The following SMIM14 variants were observed in gnomAD, a reference collection of about 807,000 sequenced individuals.
SMIM14 encodes the protein chromosome 4 open reading frame 34.
In SMIM14, 5 loss-of-function variants were observed where a neutral mutation model predicts 12.6. That is an observed-to-expected ratio of 0.40 (90% CI 0.21 to 0.83). The LOEUF (loss-of-function observed/expected upper bound fraction) is 0.83, where lower values mean the gene tolerates loss of function less well. SMIM14 is among the 40% of genes least tolerant of loss of function. The pLI, the probability that SMIM14 is intolerant of heterozygous loss-of-function variation, is 0.37. For missense variants in SMIM14, 86 were observed against 119.1 expected (o/e 0.72, Z 1.29); for synonymous variants, 30 against 40.1 (o/e 0.75, Z 0.95).
At chr4:39,574,522 C>A (rs934125575) in intron 2 of SMIM14, among the ~76,000 whole-genome samples, 1 of 152,132 alleles carries the variant, frequency 6.6e-6, no homozygotes, top group African/African-American at 2.4e-5. Flanking sequence ...GGATTACAGG[C>A]GTGAGCCACA....
intron 3 of SMIM14, among the ~76,000 whole-genome samples, chr4:39,567,479 C>T (rs984760479): frequency 7.9e-5 from 12 of 152,142 alleles, no homozygotes; most frequent in Non-Finnish European, 1.3e-4. Flanking sequence ...TGGCTCACAC[C>T]TGTAATCCCA....
At chr4:39,597,084 CCTTT>C (rs1714399344) in intron 2 of SMIM14, among the ~76,000 whole-genome samples, 1 of 133,256 alleles carries the variant, frequency 7.5e-6, no homozygotes. Flanking sequence ...CCCAGGTTTC[CCTTT>C]TTTTTTTTTT....
intron 1 of SMIM14, among the ~76,000 whole-genome samples, chr4:39,635,298 G>C (rs1716049121): frequency 6.6e-6 from 1 of 152,212 alleles, no homozygotes; most frequent in African/African-American, 2.4e-5. Context: ...AAGGATACAA[G>C]GTAAGATAAG....
chr4:39,591,274 C>T (rs1313103739), intron 2 of SMIM14, among the ~76,000 whole-genome samples: 2 of 151,626 alleles, frequency 1.3e-5, no homozygotes, highest in African/African-American at 4.8e-5. Context: ...TATGAAGGGC[C>T]AACTGTATTA....
chr4:39,553,766 G>A (rs939518703), intron 4 of SMIM14, among the ~76,000 whole-genome samples: 9 of 151,638 alleles, frequency 5.9e-5, no homozygotes, highest in Non-Finnish European at 1.3e-4. Context: ...GCTAATTTTT[G>A]TACTTTTAAT....
intron 1 of SMIM14, among the ~76,000 whole-genome samples, chr4:39,619,182 A>C (rs1166301943): frequency 6.8e-6 from 1 of 147,494 alleles, no homozygotes; most frequent in East Asian, 2.0e-4. Flanking sequence ...TATACCAATA[A>C]ATATAATTTA....
chr4:39,554,414 C>G (rs1034945729), intron 4 of SMIM14, among the ~76,000 whole-genome samples: 1 of 152,164 alleles, frequency 6.6e-6, no homozygotes, highest in South Asian at 2.1e-4. Context: ...TTGAGACCAG[C>G]CTGGCCAACA....
intron 1 of SMIM14, among the ~76,000 whole-genome samples, chr4:39,630,491 G>C (rs1263800743): frequency 6.6e-6 from 1 of 152,146 alleles, no homozygotes; most frequent in Non-Finnish European, 1.5e-5. Context: ...TCATAGCTGA[G>C]ATGACATGTG....
chr4:39,560,216 C>G (rs370821969), intron 3 of SMIM14, among the ~76,000 whole-genome samples: 3 of 151,644 alleles, frequency 2.0e-5, no homozygotes, highest in East Asian at 1.9e-4. Context: ...ATCAATAATT[C>G]TCTTTTTCTT....
intron 2 of SMIM14, among the ~76,000 whole-genome samples, chr4:39,587,391 G>A (rs967889080): frequency 2.0e-5 from 3 of 150,788 alleles, no homozygotes; most frequent in Admixed American, 1.3e-4. Context: ...CAGCTACTCG[G>A]GAGGCTGAGG....
At chr4:39,591,272 G>A (rs1212643585) in intron 2 of SMIM14, among the ~76,000 whole-genome samples, 1 of 151,926 alleles carries the variant, frequency 6.6e-6, no homozygotes, top group African/African-American at 2.4e-5. Context: ...GGTATGAAGG[G>A]CCAACTGTAT....
intron 2 of SMIM14, among the ~76,000 whole-genome samples, chr4:39,582,489 A>G (rs1327287216): frequency 1.3e-5 from 2 of 151,674 alleles, no homozygotes; most frequent in African/African-American, 4.9e-5. Context: ...ACATGGTGAA[A>G]CCCTGTCTCT....
chr4:39,557,721 A>T (rs1712090310), intron 3 of SMIM14, among the ~76,000 whole-genome samples: 1 of 152,140 alleles, frequency 6.6e-6, no homozygotes, highest in South Asian at 2.1e-4. Context: ...AGGTTTAAGA[A>T]CCCACAAAGC....
intron 1 of SMIM14, among the ~76,000 whole-genome samples, chr4:39,606,805 G>A (rs1021838093): frequency 2.0e-5 from 3 of 152,100 alleles, no homozygotes; most frequent in Admixed American, 6.6e-5. Context: ...GAGCCCAGTG[G>A]TATCCCTAAG....
intron 1 of SMIM14, 103 bp from the exon 2 acceptor site, chr4:39,605,283 A>G (rs1392479351): frequency 1.7e-6 from 1 of 588,436 alleles, no homozygotes; most frequent in Non-Finnish European, 2.9e-6. Context: ...ATAGTATTAA[A>G]CTATGTATAG....
intron 3 of SMIM14, among the ~76,000 whole-genome samples, chr4:39,562,803 G>A (rs1033536453): frequency 2.4e-5 from 3 of 126,146 alleles, no homozygotes; most frequent in African/African-American, 4.5e-5. Context: ...GACCCCACCT[G>A]ACCCTAATTT....
At chr4:39,608,099 A>G (rs758045768) in intron 1 of SMIM14, among the ~76,000 whole-genome samples, 28 of 152,330 alleles carry the variant, frequency 1.8e-4, no homozygotes, top group South Asian at 4.2e-4. Context: ...AAATAGTTTG[A>G]AAGTTCCTCA....
At position 39,547,718 on chromosome 4, in the gene SMIM14, G is replaced by C. The variant is rs1747394989; in HGVS notation, c.*4408C>G. 6.6e-6 allele frequency: 1 copy of C among 151,956 alleles called. No individual in the cohort carries two copies. The highest frequency in any genetic ancestry group is 2.1e-4 in the South Asian group (1 of 4,814). 9.4% of individuals were successfully genotyped at this position (151,956 alleles called of 1,614,324 possible). A position where few individuals can be genotyped will look rare whatever the true frequency, so the allele number is the denominator to read the frequency against. On this transcript the variant is annotated 3_prime_UTR_variant, in exon 5 of 5. Transcript: ENST00000295958. Reference sequence around the variant, plus strand: ...TCATTTAGAGTGATAGACTTCCAAGGTTCCTTTGAAAATTTAAGATACTGG... The same window carrying C: ...TCATTTAGAGTGATAGACTTCCAAGCTTCCTTTGAAAATTTAAGATACTGG...
chr4:39,630,804 G>C (rs758652080), intron 1 of SMIM14, among the ~76,000 whole-genome samples: 3 of 151,012 alleles, frequency 2.0e-5, no homozygotes, highest in Non-Finnish European at 4.4e-5. Context: ...GGAGGTTGCA[G>C]TGAGCCGAGA....
Sources: gnomAD v4.1 joint callset for allele counts (sites outside exome capture counted in the v4.1 genomes callset) on GRCh38, gnomAD v4.1.1 for gene constraint, MANE v1.5 for transcripts, NCBI Gene and HGNC (gene_info 2026-07-23, HGNC 2026-07-21) for gene names.